Variants in ARSG observed in about 807,000 individuals in gnomAD.
The protein encoded by ARSG is ASG.
Under a neutral mutation model 50.5 loss-of-function variants are expected in ARSG, and 37 were observed. The ratio of observed to expected loss-of-function variants is 0.73; its 90% confidence interval spans 0.56 to 0.96. The LOEUF (loss-of-function observed/expected upper bound fraction) is 0.96. Among genes scored for constraint, ARSG ranks in the 50% least tolerant of loss-of-function variants. ARSG has a pLI of 0.00. For synonymous variants in ARSG, 225 were observed against 254.6 expected, an observed-to-expected ratio of 0.88 and a Z score of 1.11; for missense variants, 629 against 675.3, an observed-to-expected ratio of 0.93 and a Z score of 0.76.
Position 68,368,574 on chromosome 17 carries a change from A to T in ARSG, c.731A>T (p.Tyr244Phe). 1 of 1,614,086 alleles carries T rather than the reference A, an allele frequency of 6.2e-7. No homozygotes were observed. The change falls in exon 7 of 12, where the codon TAT becomes TTT. Residue 244 changes from tyrosine (Y) to phenylalanine (F), a missense_variant. Transcript: ENST00000621439. Reference protein sequence around the residue: ...ASTSGRPFLLYVALAHMHVPL... With the variant: ...ASTSGRPFLLFVALAHMHVPL... ...ACCAGCGGGAGGCCCTTCCTGCTCTATGTGGCTCTGGCCCACATGCACGTG... is the reference window on the plus strand; with the variant it reads ...ACCAGCGGGAGGCCCTTCCTGCTCTTTGTGGCTCTGGCCCACATGCACGTG...
intron 2 of ARSG, among the ~76,000 whole-genome samples, chr17:68,340,046 C>T (rs1490360036): frequency 6.6e-6 from 1 of 152,124 alleles, no homozygotes; most frequent in Non-Finnish European, 1.5e-5. Flanking sequence ...CTGAGCCTGC[C>T]ATCCCTTCCT....
intron 2 of ARSG, among the ~76,000 whole-genome samples, chr17:68,340,812 C>T (rs187639957): frequency 6.6e-6 from 1 of 152,336 alleles, no homozygotes; most frequent in East Asian, 1.9e-4. Context: ...CTCATTGCCA[C>T]AGGCGTGTCA....
chr17:68,280,855 G>T (rs113785057), intron 1 of ARSG, among the ~76,000 whole-genome samples: 280 of 152,256 alleles, frequency 1.8e-3, no homozygotes, highest in Non-Finnish European at 3.3e-3. Flanking sequence ...GCCAGATGTA[G>T]TGTGTCACGC....
chr17:68,439,510 A>G, the ARSG span, among the ~76,000 whole-genome samples: 6,359 of 152,218 alleles, frequency 0.042, 407 homozygotes, highest in African/African-American at 0.13. Context: ...TAGAGGTACA[A>G]GGTTTGGGGC....
At chr17:68,401,569 C>T (rs991401311) in intron 11 of ARSG, 119 bp downstream of exon 11, 2 of 833,766 alleles carry the variant, frequency 2.4e-6, no homozygotes, top group East Asian at 5.5e-5. Context: ...GGGTTCTCAG[C>T]ACCTCTTGAC....
intron 1 of ARSG, among the ~76,000 whole-genome samples, chr17:68,293,896 T>G (rs1254654354): frequency 6.6e-6 from 1 of 152,158 alleles, no homozygotes; most frequent in African/African-American, 2.4e-5. Context: ...CCACCCTAGT[T>G]AGAGGCTGGC....
At chr17:68,282,492 TAA>T (rs61418415) in intron 1 of ARSG, among the ~76,000 whole-genome samples, 33 of 145,354 alleles carry the variant, frequency 2.3e-4, no homozygotes, top group Middle Eastern at 3.5e-3. Flanking sequence ...CCCTAGAACT[TAA>T]AAAAAAAAAA....
At chr17:68,297,935 A>G (rs564955664) in intron 1 of ARSG, among the ~76,000 whole-genome samples, 3 of 145,002 alleles carry the variant, frequency 2.1e-5, no homozygotes, top group Non-Finnish European at 4.5e-5. Context: ...TCATTCTCAC[A>G]TTGTGTTTGG....
chr17:68,440,232 C>T, the ARSG span, among the ~76,000 whole-genome samples: 1,632 of 152,262 alleles, frequency 0.011, 27 homozygotes, highest in African/African-American at 0.037. Flanking sequence ...AATGAAGGTC[C>T]CCAGAAAAGC....
chr17:68,340,474 C>T (rs144301267), intron 2 of ARSG, among the ~76,000 whole-genome samples: 7 of 152,094 alleles, frequency 4.6e-5, no homozygotes, highest in East Asian at 1.9e-4. Flanking sequence ...TTAGTAGAGA[C>T]GGAGTTTCGC....
the ARSG span, among the ~76,000 whole-genome samples, chr17:68,437,948 T>TAAAAAAAAAAAAAAAAAAAAAA: frequency 1.3e-5 from 1 of 78,806 alleles, no homozygotes; most frequent in African/African-American, 4.8e-5. Context: ...ACATCTCTCT[T>TAAAAAAAAAAAAAAAAAAAAAA]AAAAAAAAAA....
intron 6 of ARSG, among the ~76,000 whole-genome samples, chr17:68,357,039 C>T (rs1302161363): frequency 6.6e-6 from 1 of 152,196 alleles, no homozygotes; most frequent in Non-Finnish European, 1.5e-5. Context: ...GGGCTTATCC[C>T]TCTGTTGCTT....
chr17:68,410,744 A>T (rs1600140261), intron 11 of ARSG, among the ~76,000 whole-genome samples: 1 of 152,282 alleles, frequency 6.6e-6, no homozygotes, highest in South Asian at 2.1e-4. Flanking sequence ...CTGCGAATCC[A>T]TCTGGTCCTG....
At position 68,418,150 on chromosome 17, in the gene ARSG, G is replaced by T. The variant is rs77783420; in HGVS notation, c.1304-2039G>T. ...TCCTATTTAGTCGTCCTTAAAAATTGTAAGCTGGACATTGTTGGTGATGCA... is the reference window on the plus strand; with the variant it reads ...TCCTATTTAGTCGTCCTTAAAAATTTTAAGCTGGACATTGTTGGTGATGCA... On this transcript the variant is annotated intron_variant, in intron 11 of 11. Transcript: ENST00000621439. 2.9e-3 allele frequency among the ~76,000 whole-genome samples: 449 copies of T among 152,290 alleles called. 3 individuals are homozygous for T. The highest frequency in any genetic ancestry group is 0.011 in the African/African-American group (437 of 41,560).
At chr17:68,259,999 G>A (rs1292657936) in intron 1 of ARSG, among the ~76,000 whole-genome samples, 3 of 152,190 alleles carry the variant, frequency 2.0e-5, no homozygotes, top group Non-Finnish European at 4.4e-5. Flanking sequence ...CTACATTAAA[G>A]GCCTCTGGCT....
chr17:68,356,331 G>C (rs973504478), intron 5 of ARSG, among the ~76,000 whole-genome samples: 1 of 152,200 alleles, frequency 6.6e-6, no homozygotes, highest in African/African-American at 2.4e-5. Flanking sequence ...ACTGATTGGT[G>C]GTGGGACTCT....
intron 11 of ARSG, among the ~76,000 whole-genome samples, chr17:68,415,216 G>A (rs1013525865): frequency 6.6e-6 from 1 of 152,084 alleles, no homozygotes; most frequent in Non-Finnish European, 1.5e-5. Flanking sequence ...GTTTTGATAG[G>A]TTGTGTCACT....
chr17:68,388,499 G>A (rs1396526314), intron 9 of ARSG, among the ~76,000 whole-genome samples: 1 of 152,162 alleles, frequency 6.6e-6, no homozygotes, highest in Admixed American at 6.5e-5. Flanking sequence ...ATACAAGAAG[G>A]GGAAGGGCCT....
At chr17:68,444,594 A>C in the ARSG span, 2 of 1,611,288 alleles carry the variant, frequency 1.2e-6, no homozygotes, top group African/African-American at 2.7e-5. Flanking sequence ...CAGCCTCTGT[A>C]ATCACACAGA....
Sources: gnomAD v4.1 joint callset for allele counts (sites outside exome capture counted in the v4.1 genomes callset) on GRCh38, gnomAD v4.1.1 for gene constraint, MANE v1.5 for transcripts, NCBI Gene and HGNC (gene_info 2026-07-23, HGNC 2026-07-21) for gene names.